GRIK2: variants seen among roughly 807,000 people sequenced by gnomAD.
GRIK2 encodes glutamate ionotropic receptor kainate type subunit 2, also known as glutamate receptor ionotropic, kainate 2.
A neutral mutation model predicts 100.3 loss-of-function variants in GRIK2; 32 were observed. The ratio of observed to expected loss-of-function variants is 0.32; its 90% CI spans 0.24 to 0.43. The LOEUF is 0.43. Ranked by LOEUF, GRIK2 falls within the 20% of genes least tolerant of loss-of-function variation. The probability of loss-of-function intolerance (pLI) is 1.00; values close to 1 mark genes in which losing one functional copy is unlikely to be tolerated. For synonymous variants in GRIK2, 417 were observed against 389.4 expected, an observed-to-expected ratio of 1.07 and a Z score of -0.83; for missense variants, 843 against 1,114.9, an observed-to-expected ratio of 0.76 and a Z score of 3.47.
At chr6:102,018,220 T>G (rs1769224164) in intron 14 of GRIK2, among the ~76,000 whole-genome samples, 1 of 152,150 alleles carries the variant, frequency 6.6e-6, no homozygotes, top group African/African-American at 2.4e-5. Context: ...TTGGTGAGCT[T>G]CTGCTTCTGG....
intron 9 of GRIK2, among the ~76,000 whole-genome samples, chr6:101,809,802 T>C (rs775364703): frequency 2.0e-5 from 3 of 152,072 alleles, no homozygotes; most frequent in Non-Finnish European, 2.9e-5. Context: ...CTAACTCTTA[T>C]ATAGAATTCA....
At chr6:101,408,788 C>T (rs965466343) in intron 2 of GRIK2, among the ~76,000 whole-genome samples, 3 of 152,024 alleles carry the variant, frequency 2.0e-5, no homozygotes, top group Admixed American at 2.0e-4. Flanking sequence ...CCCTCACAGA[C>T]ACACCCAAAT....
intron 2 of GRIK2, among the ~76,000 whole-genome samples, chr6:101,470,099 G>T (rs1174069969): frequency 1.3e-5 from 2 of 152,108 alleles, no homozygotes; most frequent in Non-Finnish European, 2.9e-5. Context: ...AAAGACAACT[G>T]GCTGGATGTG....
intron 16 of GRIK2, among the ~76,000 whole-genome samples, chr6:102,060,817 TATA>T (rs1302902147): frequency 6.6e-6 from 1 of 150,710 alleles, no homozygotes; most frequent in Non-Finnish European, 1.5e-5. Context: ...AGCATAATTA[TATA>T]ATAATATCAT....
intron 7 of GRIK2, among the ~76,000 whole-genome samples, chr6:101,759,299 ACTGTAAGACCTACAATTG>A (rs746424195): frequency 1.3e-5 from 2 of 152,338 alleles, no homozygotes; most frequent in East Asian, 3.9e-4. Context: ...AATTTTCTCA[ACTGTAAGACCTACAATTG>A]CTATTTTTTA....
At chr6:101,414,803 A>G (rs1227755012) in intron 2 of GRIK2, among the ~76,000 whole-genome samples, 1 of 152,162 alleles carries the variant, frequency 6.6e-6, no homozygotes, top group Non-Finnish European at 1.5e-5. Flanking sequence ...CCTCTTATGG[A>G]AAATGTACCC....
chr6:101,687,478 A>G (rs1034637591), intron 7 of GRIK2, among the ~76,000 whole-genome samples: 1 of 151,906 alleles, frequency 6.6e-6, no homozygotes, highest in Non-Finnish European at 1.5e-5. Context: ...AGCTTTTTCT[A>G]TTATGCTTGT....
At chr6:101,402,098 A>G (rs1481170317) in intron 2 of GRIK2, among the ~76,000 whole-genome samples, 1 of 151,286 alleles carries the variant, frequency 6.6e-6, no homozygotes, top group Non-Finnish European at 1.5e-5. Flanking sequence ...TCCTCCTGTC[A>G]CCTCCTGCGA....
chr6:101,404,732 G>T (rs1164950143), intron 2 of GRIK2, among the ~76,000 whole-genome samples: 1 of 152,172 alleles, frequency 6.6e-6, no homozygotes, highest in Non-Finnish European at 1.5e-5. Context: ...GGTAGTGAAG[G>T]TTTAGCTTCA....
chr6:101,395,598 G>T (rs2852505), intron 1 of GRIK2, among the ~76,000 whole-genome samples: 3 of 152,206 alleles, frequency 2.0e-5, no homozygotes, highest in Admixed American at 6.5e-5. Context: ...AACTAAAATT[G>T]TTTCTCAAGT....
intron 12 of GRIK2, among the ~76,000 whole-genome samples, chr6:101,895,528 G>A (rs1215032649): frequency 6.6e-6 from 1 of 151,752 alleles, no homozygotes; most frequent in Non-Finnish European, 1.5e-5. Context: ...TTTTGTCACA[G>A]TGATGGGTGA....
At chr6:101,611,720 C>G (rs1369430317) in intron 2 of GRIK2, among the ~76,000 whole-genome samples, 1 of 151,732 alleles carries the variant, frequency 6.6e-6, no homozygotes, top group Non-Finnish European at 1.5e-5. Context: ...CCAGACACTC[C>G]TCCTCGCCTG....
chr6:101,517,870 G>A lies in GRIK2; in HGVS notation c.116-104079G>A, dbSNP rs117721294. 6.7e-3 allele frequency among the ~76,000 whole-genome samples: 1,014 copies of A among 152,248 alleles called. 3 individuals are homozygous for A. Among genetic ancestry groups the A allele is most frequent in the Non-Finnish European group, 1.0e-2 (680 of 68,020 alleles). Reference sequence around the variant, plus strand: ...TTAGGCTAACGGTATTTTAAAAGATGTTTAGGGAAAGAGTCAATGTTGGTC... The same window carrying A: ...TTAGGCTAACGGTATTTTAAAAGATATTTAGGGAAAGAGTCAATGTTGGTC... On this transcript the variant is annotated intron_variant, in intron 2 of 16. Transcript: ENST00000369134.
chr6:101,521,768 T>C (rs959789244), intron 2 of GRIK2, among the ~76,000 whole-genome samples: 5 of 151,976 alleles, frequency 3.3e-5, no homozygotes, highest in African/African-American at 1.2e-4. Context: ...GTGTAAAATG[T>C]CTGTTCCTTC....
intron 2 of GRIK2, among the ~76,000 whole-genome samples, chr6:101,439,822 A>G (rs566514271): frequency 2.6e-5 from 4 of 152,134 alleles, no homozygotes; most frequent in Non-Finnish European, 5.9e-5. Context: ...TGGGCTATAT[A>G]GGCATACCTA....
rs1267129242 is a variant in GRIK2 at position 101,489,493 on chromosome 6, G to T, written c.115+90101G>T. Among the ~76,000 whole-genome samples the T allele has an allele frequency of 1.4e-5, 2 of 144,972 alleles. 1 individual carries two copies. The highest frequency in any genetic ancestry group is 3.0e-5 in the Non-Finnish European group (2 of 66,014). ...ATTCTTGAGAATATGCTAGTATTTT[G>T]AAACACTTCCATAGAAGCTGGATCC... is the stretch of plus-strand genomic sequence containing the variant. On this transcript the variant is annotated intron_variant, in intron 2 of 16. Coordinates refer to ENST00000369134, the MANE Select transcript of GRIK2 (RefSeq NM_021956.5).
At chr6:101,555,751 G>T (rs751078253) in intron 2 of GRIK2, among the ~76,000 whole-genome samples, 4 of 152,004 alleles carry the variant, frequency 2.6e-5, no homozygotes, top group Non-Finnish European at 5.9e-5. Context: ...AAAACATTAT[G>T]CATTTGATCT....
intron 14 of GRIK2, among the ~76,000 whole-genome samples, chr6:101,988,132 TGCGCGCGCGCGCGCGCGCGCGC>T (rs112299589): frequency 4.1e-4 from 12 of 29,562 alleles, no homozygotes; most frequent in Non-Finnish European, 8.5e-4. Context: ...TGTGTGTGTG[TGCGCGCGCGCGCGCGCGCGCGC>T]GTGCGCGCAC....
intron 2 of GRIK2, among the ~76,000 whole-genome samples, chr6:101,520,262 ATTATC>A (rs1484097880): frequency 2.0e-5 from 3 of 151,012 alleles, no homozygotes; most frequent in South Asian, 4.1e-4. Flanking sequence ...GTTAACTGCT[ATTATC>A]TTAGGAAAAT....
Sources: allele counts gnomAD v4.1 joint callset (sites outside exome capture counted in the v4.1 genomes callset), GRCh38; gene constraint gnomAD v4.1.1; transcripts MANE v1.5; gene names NCBI Gene and HGNC (gene_info 2026-07-23, HGNC 2026-07-21).